IQSEC3: variants seen among roughly 807,000 people sequenced by gnomAD.
IQSEC3 encodes the protein IQ motif and Sec7 domain ArfGEF 3.
Under a neutral mutation model 105.4 loss-of-function variants are expected in IQSEC3, and 50 were observed. The ratio of observed to expected loss-of-function variants is 0.47; its 90% CI spans 0.38 to 0.60. IQSEC3 has a LOEUF of 0.60. Ranked by LOEUF, IQSEC3 falls within the 20% of genes least tolerant of loss-of-function variation. IQSEC3 has a pLI of 0.00. For missense variants in IQSEC3, 1,415 were observed against 1,630.0 expected, an observed-to-expected ratio of 0.87 and a Z score of 2.27; for synonymous variants, 708 against 746.0, an observed-to-expected ratio of 0.95 and a Z score of 0.83.
chr12:119,190 G>A (rs536467423), intron 2 of IQSEC3, among the ~76,000 whole-genome samples: 1 of 152,280 alleles, frequency 6.6e-6, no homozygotes, highest in Admixed American at 6.5e-5. Flanking sequence ...CCGTTTGCGT[G>A]AGGATTCCGT....
chr12:102,310 A>G (rs1555076398), intron 2 of IQSEC3, among the ~76,000 whole-genome samples: 1 of 152,174 alleles, frequency 6.6e-6, no homozygotes, highest in East Asian at 1.9e-4. Flanking sequence ...GTTGGCCTCC[A>G]TAGGAGACCC....
chr12:104,523 T>C (rs1372216243), intron 2 of IQSEC3, among the ~76,000 whole-genome samples: 2 of 152,212 alleles, frequency 1.3e-5, no homozygotes, highest in African/African-American at 4.8e-5. Context: ...TTTATTTTTC[T>C]CTGCGTTGGG....
In IQSEC3 at chr12:161,824, C is replaced by T. The variant is rs187263915; in HGVS notation, c.2444-102C>T. On this transcript the variant is annotated intron_variant, in intron 7 of 13. Coordinates refer to ENST00000538872, the MANE Select transcript of IQSEC3 (RefSeq NM_001170738.2). ...CATGGCAAGAACCAAGGCCACCCCCCGGGAGCTCCAGGCTGGATGGGGGTC... is the reference window on the plus strand; with the variant it reads ...CATGGCAAGAACCAAGGCCACCCCCTGGGAGCTCCAGGCTGGATGGGGGTC... 164 of 1,234,194 alleles carry T rather than the reference C, an allele frequency of 1.3e-4. 1 individual carries two copies. In the East Asian group the frequency reaches 2.2e-3, roughly 17 times the overall value. 76.5% of individuals were successfully genotyped at this position (1,234,194 alleles called of 1,614,324 possible).
intron 2 of IQSEC3, among the ~76,000 whole-genome samples, chr12:111,183 A>G (rs1565403525): frequency 6.6e-6 from 1 of 152,174 alleles, no homozygotes; most frequent in African/African-American, 2.4e-5. Flanking sequence ...CTAATCCAAC[A>G]AAGAGCATAA....
chr12:127,530 CA>C (rs1865456089), intron 3 of IQSEC3, among the ~76,000 whole-genome samples: 1 of 150,134 alleles, frequency 6.7e-6, no homozygotes, highest in African/African-American at 2.5e-5. Context: ...CAAAACAAAA[CA>C]AAACAAAAAA....
chr12:98,164 G>A (rs1474423162), intron 1 of IQSEC3, among the ~76,000 whole-genome samples: 1 of 152,226 alleles, frequency 6.6e-6, no homozygotes, highest in Non-Finnish European at 1.5e-5. Flanking sequence ...TTAAGGAAGA[G>A]AAGGCAATGG....
rs1289723899 is a variant in IQSEC3 at position 66,782 on chromosome 12, G to C, written c.-101G>C. On this transcript the variant is annotated 5_prime_UTR_variant, in exon 1 of 14. Transcript: ENST00000538872. ...GGGGGGAGGGAGGCTGGGCCGGTGG[G>C]AGAGGGAGGCGAGCCGACCGCTGGG... is the stretch of plus-strand genomic sequence containing the variant. 102 of 1,087,894 alleles carry C rather than the reference G, an allele frequency of 9.4e-5. No homozygotes were observed. Among genetic ancestry groups the C allele is most frequent in the Non-Finnish European group, 1.1e-4 (97 of 846,970 alleles). 67.4% of individuals were successfully genotyped at this position (1,087,894 alleles called of 1,614,324 possible).
At chr12:166,575 T>C (rs1555098506) in intron 11 of IQSEC3, among the ~76,000 whole-genome samples, 2 of 152,208 alleles carry the variant, frequency 1.3e-5, no homozygotes, top group African/African-American at 4.8e-5. Flanking sequence ...AAGCTTGTCC[T>C]GATTAAGCAT....
At chr12:161,331 G>T (rs1226434291) in intron 7 of IQSEC3, among the ~76,000 whole-genome samples, 2 of 151,996 alleles carry the variant, frequency 1.3e-5, no homozygotes, top group Admixed American at 1.3e-4. Flanking sequence ...TTTGTTGCCC[G>T]AGTTTTATCA....
At chr12:129,264 C>T (rs1555084343) in intron 3 of IQSEC3, among the ~76,000 whole-genome samples, 1 of 152,238 alleles carries the variant, frequency 6.6e-6, no homozygotes, top group African/African-American at 2.4e-5. Context: ...AGCCAGCGCT[C>T]CTGGAGCTGT....
intron 5 of IQSEC3, among the ~76,000 whole-genome samples, chr12:154,280 T>C (rs1263674065): frequency 7.0e-6 from 1 of 142,330 alleles, no homozygotes; most frequent in African/African-American, 2.5e-5. Context: ...CCATCGTGCT[T>C]GGCTGGGCAG....
intron 1 of IQSEC3, among the ~76,000 whole-genome samples, chr12:92,826 G>C (rs1180336406): frequency 2.0e-5 from 3 of 152,234 alleles, no homozygotes; most frequent in African/African-American, 4.8e-5. Context: ...CTGGGAAGCA[G>C]GTTCTGAGAA....
At chr12:117,414 G>A (rs1362967884) in intron 2 of IQSEC3, among the ~76,000 whole-genome samples, 1 of 152,230 alleles carries the variant, frequency 6.6e-6, no homozygotes, top group Non-Finnish European at 1.5e-5. Context: ...CAGTAAGATG[G>A]CACTCGCCAG....
rs77792446 is a variant in IQSEC3, at chr12:147,211, C to T, written c.2153+5926C>T. 1.1e-3 allele frequency among the ~76,000 whole-genome samples: 169 copies of T among 152,220 alleles called. 2 individuals carry two copies. In the East Asian group the frequency reaches 0.029, roughly 26 times the overall value. ...ACGTGGGCCTTCTAGAAGGGTCTTCCGGGGTGTCACTGTCTCCAGGGCAGG... is the reference window on the plus strand; with the variant it reads ...ACGTGGGCCTTCTAGAAGGGTCTTCTGGGGTGTCACTGTCTCCAGGGCAGG... On this transcript the variant is annotated intron_variant, in intron 5 of 13. Transcript: ENST00000538872.
intron 2 of IQSEC3, among the ~76,000 whole-genome samples, chr12:119,473 C>T (rs1865150691): frequency 6.6e-6 from 1 of 152,110 alleles, no homozygotes; most frequent in Non-Finnish European, 1.5e-5. Flanking sequence ...CAGAAAAGTT[C>T]CACAGATCTG....
chr12:157,947 A>G (rs1366232440), intron 7 of IQSEC3, among the ~76,000 whole-genome samples: 3 of 152,356 alleles, frequency 2.0e-5, no homozygotes, highest in East Asian at 3.9e-4. Flanking sequence ...TCCGTGGAAC[A>G]TGGTTGGCCT....
chr12:120,935 T>C (rs1013215218), intron 2 of IQSEC3, among the ~76,000 whole-genome samples: 1 of 152,230 alleles, frequency 6.6e-6, no homozygotes, highest in African/African-American at 2.4e-5. Flanking sequence ...GGAGTAATCC[T>C]GTGACCAGCA....
chr12:83,384 G>A (rs1474120430), intron 1 of IQSEC3, among the ~76,000 whole-genome samples: 4 of 151,964 alleles, frequency 2.6e-5, no homozygotes, highest in South Asian at 2.1e-4. Context: ...ATTCACACAC[G>A]TATAACAGAA....
intron 1 of IQSEC3, among the ~76,000 whole-genome samples, chr12:74,812 A>G (rs1863456199): frequency 6.6e-6 from 1 of 152,290 alleles, no homozygotes; most frequent in African/African-American, 2.4e-5. Context: ...CTCATTTGGC[A>G]AATGAGAAAA....
Sources: allele counts gnomAD v4.1 joint callset (sites outside exome capture counted in the v4.1 genomes callset), GRCh38; gene constraint gnomAD v4.1.1; transcripts MANE v1.5; gene names NCBI Gene and HGNC (gene_info 2026-07-23, HGNC 2026-07-21).